KCTD8: variants seen among roughly 807,000 people sequenced by gnomAD.
KCTD8 encodes BTB/POZ domain-containing protein KCTD8.
KCTD8 carries 27 observed loss-of-function variants against 31.5 expected under a neutral mutation model. The observed-to-expected ratio is 0.86, with a 90% CI of 0.63 to 1.18. KCTD8 has a LOEUF of 1.18. Among genes scored for constraint, KCTD8 ranks in the 50% most tolerant of loss-of-function variants. KCTD8 has a pLI of 0.00. For synonymous variants in KCTD8, 290 were observed against 280.0 expected (o/e 1.04, Z -0.36); for missense variants, 658 against 647.7 (o/e 1.02, Z -0.17).
intron 1 of KCTD8, among the ~76,000 whole-genome samples, chr4:44,236,955 G>A (rs893804005): frequency 1.3e-5 from 2 of 152,138 alleles, no homozygotes; most frequent in South Asian, 2.1e-4. Context: ...CTGCCACCAC[G>A]TAAGATGTGC....
chr4:44,324,560 G>A (rs754805356), intron 1 of KCTD8, among the ~76,000 whole-genome samples: 41 of 151,922 alleles, frequency 2.7e-4, no homozygotes, highest in Non-Finnish European at 5.6e-4. Flanking sequence ...GTAAAACATT[G>A]ACAAATAATG....
chr4:44,383,403 T>C (rs946250131), intron 1 of KCTD8, among the ~76,000 whole-genome samples: 2 of 151,922 alleles, frequency 1.3e-5, no homozygotes, highest in African/African-American at 4.8e-5. Flanking sequence ...GCATCACACC[T>C]GACTTGAAAA....
At chr4:44,178,514 A>T (rs993232399) in intron 1 of KCTD8, among the ~76,000 whole-genome samples, 1 of 152,138 alleles carries the variant, frequency 6.6e-6, no homozygotes, top group African/African-American at 2.4e-5. Flanking sequence ...GCTATACTTT[A>T]ACCAAAAGCC....
At position 44,414,566 on chromosome 4, in the gene KCTD8, C is replaced by T. The variant is rs371411342; in HGVS notation, c.961+32997G>A. On this transcript the variant is annotated intron_variant, in intron 1 of 1. Transcript: ENST00000360029. Reference sequence around the variant, plus strand: ...ACAAAAACTGGGTGGCCCCTGAGGGCTGAGAATTACTGTCATGGCCAGTCT... The same window carrying T: ...ACAAAAACTGGGTGGCCCCTGAGGGTTGAGAATTACTGTCATGGCCAGTCT... 7.2e-5 allele frequency among the ~76,000 whole-genome samples: 11 copies of T among 152,290 alleles called. No homozygotes were observed. In the East Asian group the frequency reaches 2.1e-3, roughly 29 times the overall value.
At chr4:44,444,809 A>C (rs1000043265) in intron 1 of KCTD8, among the ~76,000 whole-genome samples, 1 of 142,892 alleles carries the variant, frequency 7.0e-6, no homozygotes, top group Non-Finnish European at 1.6e-5. Flanking sequence ...TTGGGGGGGA[A>C]TAACATTGAT....
At chr4:44,272,471 A>G (rs1045232614) in intron 1 of KCTD8, among the ~76,000 whole-genome samples, 2 of 152,068 alleles carry the variant, frequency 1.3e-5, no homozygotes, top group Admixed American at 1.3e-4. Flanking sequence ...TGAACTGTAA[A>G]CCATCAGATA....
In KCTD8 at chr4:44,241,961, G is replaced by T. The variant is rs373208095; in HGVS notation, c.962-66711C>A. On this transcript the variant is annotated intron_variant, in intron 1 of 1. Transcript: ENST00000360029. ...TGTTTTTTTTCCATCACATAGTTAG[G>T]TTTCTCCCCAAGGGGATGTTATTGT... is the stretch of plus-strand genomic sequence containing the variant. 1.1e-3 allele frequency among the ~76,000 whole-genome samples: 168 copies of T among 152,182 alleles called. 1 individual carries two copies. Among genetic ancestry groups the T allele is most frequent in the African/African-American group, 3.8e-3 (156 of 41,510 alleles).
In KCTD8 at chr4:44,373,613, GTTGT is replaced by G. The variant is rs574806692; in HGVS notation, c.961+73946_961+73949del. Among the ~76,000 whole-genome samples, 876 of 152,208 alleles carry G rather than the reference GTTGT, an allele frequency of 5.8e-3. 10 individuals carry two copies. Among genetic ancestry groups the G allele is most frequent in the African/African-American group, 0.02 (813 of 41,538 alleles). On this transcript the variant is annotated intron_variant, in intron 1 of 1. Coordinates refer to ENST00000360029, the MANE Select transcript of KCTD8 (RefSeq NM_198353.3). Reference sequence around the variant, plus strand: ...CCATAGGAAGTATTATACAAGTTTAGTTGTTTTTAATTATTTTTAATCATCAGTG... The same window carrying G: ...CCATAGGAAGTATTATACAAGTTTAGTTTTAATTATTTTTAATCATCAGTG...
At chr4:44,235,401 A>G (rs1408982941) in intron 1 of KCTD8, among the ~76,000 whole-genome samples, 5 of 149,036 alleles carry the variant, frequency 3.4e-5, no homozygotes. Context: ...AGAGATATAG[A>G]TATATACACA....
chr4:44,201,188 GC>G (rs1424022183), intron 1 of KCTD8, among the ~76,000 whole-genome samples: 1 of 152,040 alleles, frequency 6.6e-6, no homozygotes, highest in Non-Finnish European at 1.5e-5. Flanking sequence ...AACCTTCCAT[GC>G]TTATGGATTT....
At chr4:44,341,200 T>C (rs1404341124) in intron 1 of KCTD8, among the ~76,000 whole-genome samples, 1 of 152,186 alleles carries the variant, frequency 6.6e-6, no homozygotes, top group Admixed American at 6.5e-5. Context: ...TAATTAAAAA[T>C]ATTTTACTGC....
chr4:44,250,245 TCAC>T (rs1285180596), intron 1 of KCTD8, among the ~76,000 whole-genome samples: 1 of 151,774 alleles, frequency 6.6e-6, no homozygotes, highest in Non-Finnish European at 1.5e-5. Flanking sequence ...TGTTATGTTT[TCAC>T]CAGAAATATA....
At chr4:44,357,682 A>G (rs1435844035) in intron 1 of KCTD8, among the ~76,000 whole-genome samples, 1 of 152,146 alleles carries the variant, frequency 6.6e-6, no homozygotes, top group African/African-American at 2.4e-5. Flanking sequence ...TGTGAATACT[A>G]CATATAATGG....
Position 44,377,205 on chromosome 4 carries a change from G to A in KCTD8, c.961+70358C>T, listed in dbSNP as rs867989203. Among the ~76,000 whole-genome samples the A allele has an allele frequency of 2.6e-5, 4 of 152,216 alleles. No individual in the cohort carries two copies. In the Middle Eastern group the frequency reaches 0.014, roughly 518 times the overall value. ...ATGGCAGTGCTCAGTAATGTGTAGA[G>A]AGATGGGTTCCATACTCTGGCCAGC... On this transcript the variant is annotated intron_variant, in intron 1 of 1. Coordinates refer to ENST00000360029, the MANE Select transcript of KCTD8 (RefSeq NM_198353.3).
At chr4:44,404,897 C>T (rs1330160283) in intron 1 of KCTD8, among the ~76,000 whole-genome samples, 3 of 152,166 alleles carry the variant, frequency 2.0e-5, no homozygotes, top group Non-Finnish European at 4.4e-5. Flanking sequence ...CTAAATGCCT[C>T]TCTTGTTTCA....
intron 1 of KCTD8, among the ~76,000 whole-genome samples, chr4:44,205,156 A>C (rs1323989462): frequency 6.6e-6 from 1 of 152,218 alleles, no homozygotes; most frequent in Non-Finnish European, 1.5e-5. Flanking sequence ...ATTTCATGTA[A>C]CTTGACAAAC....
chr4:44,419,801 G>A (rs193251188), intron 1 of KCTD8, among the ~76,000 whole-genome samples: 3 of 151,952 alleles, frequency 2.0e-5, no homozygotes, highest in Admixed American at 6.6e-5. Flanking sequence ...GTATACATAC[G>A]TAACAAACCT....
chr4:44,197,283 A>G lies in KCTD8; in HGVS notation c.962-22033T>C, dbSNP rs191967069. Among the ~76,000 whole-genome samples, 539 of 152,300 alleles carry G rather than the reference A, an allele frequency of 3.5e-3. 7 individuals carry two copies. Among genetic ancestry groups the G allele is most frequent in the African/African-American group, 0.012 (511 of 41,566 alleles). ...ATGCCTCCCTCCACAGGGCAAGTCC[A>G]GGAAGTGTACAGCCTTCCTAACACA... is the stretch of plus-strand genomic sequence containing the variant. On this transcript the variant is annotated intron_variant, in intron 1 of 1. Transcript: ENST00000360029.
At chr4:44,181,836 G>A (rs1430930962) in intron 1 of KCTD8, among the ~76,000 whole-genome samples, 1 of 151,474 alleles carries the variant, frequency 6.6e-6, no homozygotes, top group Non-Finnish European at 1.5e-5. Context: ...CGTCTGAGAT[G>A]TGGGGAGCGC....
Sources: allele counts gnomAD v4.1 joint callset (sites outside exome capture counted in the v4.1 genomes callset), GRCh38; gene constraint gnomAD v4.1.1; transcripts MANE v1.5; gene names NCBI Gene and HGNC (gene_info 2026-07-23, HGNC 2026-07-21).